The following RIOX2 variants were observed in gnomAD, a reference collection of about 807,000 sequenced individuals.
The protein encoded by RIOX2 is 60S ribosomal protein L27a histidine hydroxylase.
In RIOX2, 43 loss-of-function variants were observed where a neutral mutation model predicts 51.2. The ratio of observed to expected loss-of-function variants is 0.84; its 90% confidence interval spans 0.66 to 1.08. The LOEUF (loss-of-function observed/expected upper bound fraction) is 1.08, where lower values mean the gene tolerates loss of function less well. RIOX2 is among the 50% of genes least tolerant of loss of function. The pLI is 0.00. For synonymous variants in RIOX2, 226 were observed against 218.5 expected, an observed-to-expected ratio of 1.03 and a Z score of -0.30; for missense variants, 566 against 561.7, an observed-to-expected ratio of 1.01 and a Z score of -0.08.
rs771641890 is a variant in RIOX2, at chr3:97,945,355, A to G, written c.1240-13T>C. On this transcript the variant is annotated splice_polypyrimidine_tract_variant and intron_variant, in intron 9 of 9. Coordinates refer to ENST00000394198, the MANE Select transcript of RIOX2 (RefSeq NM_153182.4). The stretch of plus-strand genomic sequence containing the variant: ...GAAGTCCATGAAACTGAAAGGATAA[A>G]TTTATTTGTCAAAATATATGTATAC... 3 of 1,605,106 alleles carry G rather than the reference A, an allele frequency of 1.9e-6. No individual in the cohort carries two copies. The highest frequency in any genetic ancestry group is 2.6e-6 in the Non-Finnish European group (3 of 1,176,154).
At chr3:97,952,219 C>G (rs1330626028) in intron 5 of RIOX2, 2 of 1,289,798 alleles carry the variant, frequency 1.6e-6, no homozygotes, top group Non-Finnish European at 1.0e-6. Flanking sequence ...CAATGGCCCT[C>G]AAGTCACATC....
Position 97,967,150 on chromosome 3 carries a change from G to A in RIOX2, c.432+12C>T. ...AAATGTATGAGGATTCTGCAATGGG[G>A]AAACTGGTTACCTTAAATCTCTGAG... On this transcript the variant is annotated intron_variant, in intron 2 of 9. Transcript: ENST00000394198. 6.2e-7 allele frequency: 1 copy of A among 1,608,296 alleles called. No individual in the cohort carries two copies. Among genetic ancestry groups the A allele is most frequent in the African/African-American group, 1.3e-5 (1 of 74,836 alleles).
intron 5 of RIOX2, among the ~76,000 whole-genome samples, chr3:97,953,688 T>A (rs1230542764): frequency 1.3e-5 from 2 of 152,166 alleles, no homozygotes; most frequent in African/African-American, 2.4e-5. Flanking sequence ...TGGCCATGAT[T>A]AGTATTTTTA....
chr3:97,947,488 A>C, intron 7 of RIOX2, 39 bp from the exon 8 acceptor site: 1 of 1,529,644 alleles, frequency 6.5e-7, no homozygotes, highest in South Asian at 1.1e-5. Flanking sequence ...CCTTCAAAAA[A>C]GGAAACAGGC....
In RIOX2 at chr3:97,959,037, C is replaced by T. The variant is rs369376215; in HGVS notation, c.681+14G>A. 7.1e-5 allele frequency: 113 copies of T among 1,599,216 alleles called. No homozygotes were observed. Among genetic ancestry groups the T allele is most frequent in the Non-Finnish European group, 8.2e-5 (96 of 1,172,318 alleles). On this transcript the variant is annotated intron_variant, in intron 4 of 9. Transcript: ENST00000394198. ...GGCTCTAACAATGAGGTGCCCACAA[C>T]GGTTATCACATACCTTCAGCATAAA... is the stretch of plus-strand genomic sequence containing the variant.
Position 97,942,416 on chromosome 3 carries a change from A to G in RIOX2, c.*2768T>C, listed in dbSNP as rs368876155. On this transcript the variant is annotated 3_prime_UTR_variant, in exon 10 of 10. Transcript: ENST00000394198. Reference sequence around the variant, plus strand: ...AAATGGAACTATCAGCTCTTATCTCAGTGATCAACTTGTCCTTGATGTTAA... The same window carrying G: ...AAATGGAACTATCAGCTCTTATCTCGGTGATCAACTTGTCCTTGATGTTAA... 10 of 1,607,008 alleles carry G rather than the reference A, an allele frequency of 6.2e-6. No individual in the cohort carries two copies. The highest frequency in any genetic ancestry group is 6.8e-6 in the Non-Finnish European group (8 of 1,174,376).
intron 4 of RIOX2, among the ~76,000 whole-genome samples, chr3:97,956,813 G>C (rs1263734612): frequency 6.6e-6 from 1 of 152,154 alleles, no homozygotes; most frequent in Non-Finnish European, 1.5e-5. Context: ...TATTGTAAAG[G>C]AGGCAGCAAA....
In RIOX2 at chr3:97,942,582, T is replaced by C. The variant is rs1264417778; in HGVS notation, c.*2602A>G. 7.6e-6 allele frequency: 6 copies of C among 794,222 alleles called. No homozygotes were observed. Among genetic ancestry groups the C allele is most frequent in the African/African-American group, 1.8e-5 (1 of 56,834 alleles). 49.2% of individuals were successfully genotyped at this position (794,222 alleles called of 1,614,324 possible). A position where few individuals can be genotyped will look rare whatever the true frequency, so the allele number is the denominator to read the frequency against. On this transcript the variant is annotated 3_prime_UTR_variant, in exon 10 of 10. Transcript: ENST00000394198. ...AAATTATGCTTGAAGAAAATTAAGA[T>C]AGGCAGTTTTACAAACAAAACAATT... is the stretch of plus-strand genomic sequence containing the variant.
rs1234298203 is a variant in RIOX2, at chr3:97,942,372, A to C, written c.*2812T>G. On this transcript the variant is annotated 3_prime_UTR_variant, in exon 10 of 10. Coordinates refer to ENST00000394198, the MANE Select transcript of RIOX2 (RefSeq NM_153182.4). ...TGGACTGAACATGGGCAATTCAGGC[A>C]GAAGTGGAGACTGAATAAAAATGGA... 2 of 1,611,876 alleles carry C rather than the reference A, an allele frequency of 1.2e-6. No individual in the cohort carries two copies. Among genetic ancestry groups the C allele is most frequent in the Non-Finnish European group, 1.7e-6 (2 of 1,178,582 alleles).
chr3:97,961,395 C>A (rs1157493774), intron 3 of RIOX2, among the ~76,000 whole-genome samples, 194 bp downstream of exon 3: 1 of 152,198 alleles, frequency 6.6e-6, no homozygotes, highest in East Asian at 1.9e-4. Flanking sequence ...TGAGACAGAG[C>A]AGGAAACCAG....
intron 7 of RIOX2, among the ~76,000 whole-genome samples, chr3:97,947,656 AAGAC>A (rs2040396784): frequency 6.6e-6 from 1 of 152,346 alleles, no homozygotes; most frequent in South Asian, 2.1e-4. Context: ...TCTTACAGTG[AAGAC>A]AGACATAGAT....
intron 4 of RIOX2, among the ~76,000 whole-genome samples, chr3:97,955,482 T>C (rs1441497868): frequency 1.3e-5 from 2 of 151,712 alleles, no homozygotes; most frequent in South Asian, 2.1e-4. Flanking sequence ...GTTAAGACCA[T>C]GAGCCCTGGA....
At chr3:97,957,664 C>A (rs886096197) in intron 4 of RIOX2, among the ~76,000 whole-genome samples, 3 of 152,166 alleles carry the variant, frequency 2.0e-5, no homozygotes, top group African/African-American at 7.2e-5. Flanking sequence ...ACACCCTTTA[C>A]ACTTAAAGGC....
Position 97,944,545 on chromosome 3 carries a change from C to T in RIOX2, c.*639G>A, listed in dbSNP as rs369120258. ...AAAATAACAATGACTATTTTAAACT[C>T]GAAGACCCACTATTTTGAGTATTTT... On this transcript the variant is annotated 3_prime_UTR_variant, in exon 10 of 10. Coordinates refer to ENST00000394198, the MANE Select transcript of RIOX2 (RefSeq NM_153182.4). 22 of 152,248 alleles carry T rather than the reference C, an allele frequency of 1.4e-4. No individual in the cohort carries two copies. The highest frequency in any genetic ancestry group is 4.8e-4 in the African/African-American group (20 of 41,370). The allele number at this position is 152,248 out of a possible 1,614,324, so 9.4% of individuals were successfully genotyped here. A position where few individuals can be genotyped will look rare whatever the true frequency, so the allele number is the denominator to read the frequency against.
intron 4 of RIOX2, among the ~76,000 whole-genome samples, chr3:97,957,495 TA>T (rs35134649): frequency 9.7e-4 from 127 of 131,120 alleles, no homozygotes; most frequent in African/African-American, 2.5e-3. Context: ...GACTCTGTCT[TA>T]AAAAAAAAAA....
chr3:97,954,474 G>A lies in RIOX2; in HGVS notation c.703C>T (p.Pro235Ser). 6.2e-7 allele frequency: 1 copy of A among 1,614,062 alleles called. No homozygotes were observed. Among genetic ancestry groups the A allele is most frequent in the Non-Finnish European group, 8.5e-7 (1 of 1,179,940 alleles). ...TCCGCTTGATGAATGGTTCCTCTGGGAAAGTACAACAAATCACCCGGCTAA... is the reference window on the plus strand; with the variant it reads ...TCCGCTTGATGAATGGTTCCTCTGGAAAAGTACAACAAATCACCCGGCTAA... ...MLKPGDLLYFPRGTIHQADTP... is the reference protein window; with the variant it reads ...MLKPGDLLYFSRGTIHQADTP... The change falls in exon 5 of 10, where the codon CCC becomes TCC. Residue 235 changes from proline (P) to serine (S), a missense_variant. Transcript: ENST00000394198.
intron 8 of RIOX2, among the ~76,000 whole-genome samples, chr3:97,946,251 A>ACTAT (rs1425518424): frequency 6.6e-6 from 1 of 152,090 alleles, no homozygotes; most frequent in Admixed American, 6.6e-5. Flanking sequence ...TCATACCTGC[A>ACTAT]CTATCTTTTT....
chr3:97,947,459 C>G lies in RIOX2; in HGVS notation c.1061-10G>C, dbSNP rs749936169. The G allele has an allele frequency of 1.2e-6, 2 of 1,610,842 alleles. No homozygotes were observed. The highest frequency in any genetic ancestry group is 3.3e-5 in the Admixed American group (2 of 59,810). On this transcript the variant is annotated splice_polypyrimidine_tract_variant and intron_variant, in intron 7 of 9. Coordinates refer to ENST00000394198, the MANE Select transcript of RIOX2 (RefSeq NM_153182.4). ...CTCGGTAACTTTCCACCTAGAAAAC[C>G]CCAAAGAGAGAAAGCCGACCTTCAA... is the stretch of plus-strand genomic sequence containing the variant.
At chr3:97,951,810 G>C (rs908341559) in intron 5 of RIOX2, among the ~76,000 whole-genome samples, 7 of 152,162 alleles carry the variant, frequency 4.6e-5, no homozygotes, top group Non-Finnish European at 8.8e-5. Flanking sequence ...CTACCTGGCG[G>C]CCTCACTGCT....
Sources: allele counts gnomAD v4.1 joint callset (sites outside exome capture counted in the v4.1 genomes callset), GRCh38; gene constraint gnomAD v4.1.1; transcripts MANE v1.5; gene names NCBI Gene and HGNC (gene_info 2026-07-23, HGNC 2026-07-21).